The following FYCO1 variants were observed in gnomAD, a reference collection of about 807,000 sequenced individuals.
FYCO1 encodes the protein FYVE and coiled-coil domain autophagy adaptor 1.
In FYCO1, 122 loss-of-function variants were observed where a neutral mutation model predicts 165.1. That is an observed-to-expected ratio of 0.74 (90% CI 0.64 to 0.86). The LOEUF (loss-of-function observed/expected upper bound fraction) is 0.86. FYCO1 is among the 40% of genes least tolerant of loss of function. FYCO1 has a pLI of 0.00. For synonymous variants in FYCO1, 648 were observed against 742.5 expected, an observed-to-expected ratio of 0.87 and a Z score of 2.07; for missense variants, 1,702 against 1,810.3, an observed-to-expected ratio of 0.94 and a Z score of 1.09.
intron 14 of FYCO1, among the ~76,000 whole-genome samples, chr3:45,942,811 A>G (rs1376690948): frequency 6.6e-6 from 1 of 152,236 alleles, no homozygotes; most frequent in Non-Finnish European, 1.5e-5. Flanking sequence ...CAGCCTACGC[A>G]GGGTGGGTGG....
Position 45,968,671 on chromosome 3 carries a change from G to C in FYCO1, c.663C>G (p.Asn221Lys). ...CCAATGCCTCGTTGTTTAGGGGGCTGTTCAGGTCAAAGTTGGACACCATCT... is the reference window on the plus strand; with the variant it reads ...CCAATGCCTCGTTGTTTAGGGGGCTCTTCAGGTCAAAGTTGGACACCATCT... ...TQEMVSNFDL[N>K]SPLNNEALEG... is the part of the protein sequence containing the mutation. Residue 221 changes from asparagine to lysine, a missense_variant, in exon 8 of 18, where the codon AAC becomes AAG. Physicochemically the swap from Asn to Lys is moderately conservative, Grantham distance 94. Transcript: ENST00000296137. 6.2e-7 allele frequency: 1 copy of C among 1,614,194 alleles called. No homozygotes were observed. The highest frequency in any genetic ancestry group is 8.5e-7 in the Non-Finnish European group (1 of 1,180,030).
At chr3:45,974,448 C>T (rs919209070) in intron 5 of FYCO1, among the ~76,000 whole-genome samples, 1 of 152,186 alleles carries the variant, frequency 6.6e-6, no homozygotes, top group African/African-American at 2.4e-5. Flanking sequence ...TTTTTCAGCT[C>T]ACATCAATTC....
chr3:45,944,824 T>G (rs1294389908), intron 14 of FYCO1, among the ~76,000 whole-genome samples: 1 of 152,218 alleles, frequency 6.6e-6, no homozygotes, highest in Non-Finnish European at 1.5e-5. Flanking sequence ...GAGCTGAACA[T>G]TATTCTTAAG....
chr3:45,994,691 G>A (rs1291417173), intron 1 of FYCO1, among the ~76,000 whole-genome samples: 1 of 151,870 alleles, frequency 6.6e-6, no homozygotes, highest in Non-Finnish European at 1.5e-5. Flanking sequence ...GCCGCATTAG[G>A]CAGATGGCAG....
chr3:45,938,349 C>T (rs1008294175), intron 14 of FYCO1: 1 of 634,958 alleles, frequency 1.6e-6, no homozygotes, highest in African/African-American at 1.9e-5. Context: ...GGTTTTCAAA[C>T]TGTAGGTCAT....
At chr3:45,954,965 T>C (rs1054440378) in intron 14 of FYCO1, among the ~76,000 whole-genome samples, 1 of 152,196 alleles carries the variant, frequency 6.6e-6, no homozygotes, top group Non-Finnish European at 1.5e-5. Context: ...GTATTTTATA[T>C]AGCACCCAAG....
At chr3:45,977,743 G>A (rs1329773248) in intron 4 of FYCO1, among the ~76,000 whole-genome samples, 2 of 152,042 alleles carry the variant, frequency 1.3e-5, no homozygotes, top group South Asian at 2.1e-4. Context: ...CTCCAGAAAT[G>A]GTTTCTTAGA....
At chr3:45,950,535 A>G (rs560020185) in intron 14 of FYCO1, among the ~76,000 whole-genome samples, 1 of 152,266 alleles carries the variant, frequency 6.6e-6, no homozygotes, top group East Asian at 1.9e-4. Context: ...GATGGGGCCC[A>G]GAAGTGGTCA....
chr3:45,925,080 C>T (rs1322058309), intron 16 of FYCO1, among the ~76,000 whole-genome samples: 1 of 152,040 alleles, frequency 6.6e-6, no homozygotes, highest in Non-Finnish European at 1.5e-5. Flanking sequence ...CAGGTGTACA[C>T]CAACACACCC....
chr3:45,940,411 C>T (rs969490500), intron 14 of FYCO1, among the ~76,000 whole-genome samples: 5 of 152,148 alleles, frequency 3.3e-5, no homozygotes, highest in Non-Finnish European at 5.9e-5. Context: ...GCAGTTTAAC[C>T]GGTATGTGAC....
intron 15 of FYCO1, among the ~76,000 whole-genome samples, chr3:45,934,901 A>G (rs531785812): frequency 2.0e-5 from 3 of 152,308 alleles, no homozygotes; most frequent in African/African-American, 7.2e-5. Context: ...AGAAAATGCA[A>G]TTCTTGAACT....
intron 14 of FYCO1, among the ~76,000 whole-genome samples, chr3:45,944,589 G>A (rs1704462568): frequency 6.6e-6 from 1 of 152,014 alleles, no homozygotes; most frequent in Admixed American, 6.6e-5. Flanking sequence ...AGAAATGAAT[G>A]TTTTTAGTTC....
In FYCO1 at chr3:45,964,394, G is replaced by A. The variant is rs1366991153; in HGVS notation, c.3211C>T (p.Gln1071Ter). The A allele has an allele frequency of 6.2e-7, 1 of 1,614,082 alleles. No individual in the cohort carries two copies. The highest frequency in any genetic ancestry group is 8.5e-7 in the Non-Finnish European group (1 of 1,179,974). Reference sequence around the variant, plus strand: ...TTGTCCTTCCTCAGCATGGCCGCCTGGCACTCTGCAAGATGGTTGCTAGTG... The same window carrying A: ...TTGTCCTTCCTCAGCATGGCCGCCTAGCACTCTGCAAGATGGTTGCTAGTG... ...SCTSNHLAEC[Q>*]AAMLRKDKEG... Residue 1071 changes from glutamine (Q) to a stop codon, truncating the protein, a stop_gained, in exon 10 of 18, where the codon CAG becomes TAG. Transcript: ENST00000296137. LOFTEE classifies it high-confidence loss of function. This position sits in a 1 kb window ranked among gnomAD's most constrained non-coding sequence, Gnocchi z 4.1.
At position 45,964,250 on chromosome 3, in the gene FYCO1, T is replaced by C. The variant is rs1290754983; in HGVS notation, c.3269+86A>G. The stretch of plus-strand genomic sequence containing the variant: ...TTGCAAAAGGACTTCCTAAACCTAA[T>C]ATGAGTGACTGACTTTCTAAATGAC... On this transcript the variant is annotated intron_variant, in intron 10 of 17. Coordinates refer to ENST00000296137, the MANE Select transcript of FYCO1 (RefSeq NM_024513.4). This position sits in a 1 kb window ranked among gnomAD's most constrained non-coding sequence, Gnocchi z 4.1. 6 of 1,062,176 alleles carry C rather than the reference T, an allele frequency of 5.6e-6. No homozygotes were observed. The highest frequency in any genetic ancestry group is 8.8e-6 in the Non-Finnish European group (6 of 678,570). 65.8% of individuals were successfully genotyped at this position (1,062,176 alleles called of 1,614,324 possible). A position where few individuals can be genotyped will look rare whatever the true frequency, so the allele number is the denominator to read the frequency against.
intron 1 of FYCO1, among the ~76,000 whole-genome samples, chr3:45,989,894 C>T (rs199902803): frequency 2.0e-5 from 3 of 152,072 alleles, no homozygotes; most frequent in East Asian, 3.9e-4. Context: ...AAGGGAGGAG[C>T]CACACCTCTG....
At chr3:45,931,340 G>A (rs778437963) in intron 15 of FYCO1, 59 bp from the exon 16 acceptor site, 44 of 1,522,148 alleles carry the variant, frequency 2.9e-5, no homozygotes, top group Non-Finnish European at 4.0e-5. Flanking sequence ...GTGTCCACTG[G>A]CCAGGTCATC....
At chr3:45,974,194 C>T (rs1205986272) in intron 5 of FYCO1, among the ~76,000 whole-genome samples, 1 of 152,162 alleles carries the variant, frequency 6.6e-6, no homozygotes, top group Non-Finnish European at 1.5e-5. Context: ...AGCTGGGCAA[C>T]ATAGTGAGAC....
At chr3:45,989,378 C>T (rs889917934) in intron 1 of FYCO1, among the ~76,000 whole-genome samples, 10 of 152,210 alleles carry the variant, frequency 6.6e-5, no homozygotes, top group Non-Finnish European at 1.0e-4. Flanking sequence ...AGGCACTTGG[C>T]TGGTACCTGC....
At chr3:45,988,825 T>C (rs963268533) in intron 1 of FYCO1, among the ~76,000 whole-genome samples, 11 of 152,218 alleles carry the variant, frequency 7.2e-5, no homozygotes, top group African/African-American at 2.7e-4. Flanking sequence ...CTGTATGAGT[T>C]CCTAGTCATG....
Sources: allele counts gnomAD v4.1 joint callset (sites outside exome capture counted in the v4.1 genomes callset), GRCh38; gene constraint gnomAD v4.1.1; non-coding constraint Gnocchi (gnomAD v3.1); transcripts MANE v1.5; gene names NCBI Gene and HGNC (gene_info 2026-07-23, HGNC 2026-07-21).